Variants in PXK observed in about 807,000 individuals in gnomAD.
PXK encodes the protein PX domain containing serine/threonine kinase like, also known as PX domain-containing protein kinase-like protein.
In PXK, 35 loss-of-function variants were observed where a neutral mutation model predicts 84.7. The observed-to-expected ratio is 0.41, with a 90% CI of 0.32 to 0.55. The LOEUF (loss-of-function observed/expected upper bound fraction) is 0.55, where lower values mean the gene tolerates loss of function less well. Ranked by LOEUF, PXK falls within the 20% of genes least tolerant of loss-of-function variation. The pLI is 0.21. For synonymous variants in PXK, 253 were observed against 260.8 expected (o/e 0.97, Z 0.29); for missense variants, 634 against 699.7 (o/e 0.91, Z 1.06).
Position 58,382,688 on chromosome 3 carries a change from G to A in PXK, c.376G>A (p.Ala126Thr), listed in dbSNP as rs752321202. 16 of 1,571,016 alleles carry A rather than the reference G, an allele frequency of 1.0e-5. No homozygotes were observed. Among genetic ancestry groups the A allele is most frequent in the Middle Eastern group, 1.7e-4 (1 of 5,898 alleles). Reference protein sequence around the residue: ...KKFLDPNNYSANYTEIALQQV... With the variant: ...KKFLDPNNYSTNYTEIALQQV... ...GTTTTTAGATCCAAACAACTATTCC[G>A]CAAACTATACTGGTAAGCGAAGGAA... is the stretch of plus-strand genomic sequence containing the variant. The change falls in exon 4 of 18, where the codon GCA becomes ACA. Residue 126 changes from alanine (A) to threonine (T), a missense_variant. Ala to Thr is a moderately conservative substitution (Grantham distance 58). Around this residue, in one of 3 missense-constraint regions of PXK, gnomAD observed 353 missense variants for 385.2 expected, o/e 0.92. Transcript: ENST00000356151.
At chr3:58,422,121 GC>G (rs2061976430) in intron 17 of PXK, 3 of 985,220 alleles carry the variant, frequency 3.0e-6, no homozygotes, top group Non-Finnish European at 3.6e-6. Flanking sequence ...TGTAGCTGAA[GC>G]CCCAACGGAC....
chr3:58,375,922 A>G (rs1269230669), intron 3 of PXK, among the ~76,000 whole-genome samples: 1 of 151,916 alleles, frequency 6.6e-6, no homozygotes, highest in Admixed American at 6.6e-5. Context: ...TAAGTAATGA[A>G]TGTTAAGTGC....
At position 58,409,646 on chromosome 3, in the gene PXK, T is replaced by A. The variant is rs1439704381; in HGVS notation, c.1395+28T>A. The A allele has an allele frequency of 6.4e-7, 1 of 1,558,724 alleles. No homozygotes were observed. The highest frequency in any genetic ancestry group is 8.8e-7 in the Non-Finnish European group (1 of 1,140,292). Reference sequence around the variant, plus strand: ...AAGCCTGCTGTCTCTCTGCAGTCCCTCTATGAGTTCTTGAGTACATGTGAA... The same window carrying A: ...AAGCCTGCTGTCTCTCTGCAGTCCCACTATGAGTTCTTGAGTACATGTGAA... On this transcript the variant is annotated intron_variant, in intron 15 of 17. Transcript: ENST00000356151. The surrounding 1 kb of genome is among the most constrained non-coding windows in gnomAD (Gnocchi z 4.2).
chr3:58,334,951 G>GTGTC (rs1553732684), intron 1 of PXK, among the ~76,000 whole-genome samples: 1,818 of 125,280 alleles, frequency 0.015, 17 homozygotes, highest in African/African-American at 0.034. Context: ...GTGTGTGTGT[G>GTGTC]TGTGTGTCTG....
intron 1 of PXK, among the ~76,000 whole-genome samples, chr3:58,360,997 A>G (rs928487242): frequency 1.2e-4 from 18 of 151,918 alleles, no homozygotes; most frequent in Admixed American, 5.3e-4. Flanking sequence ...TGGGGAAGCT[A>G]TTAAAACTTC....
In PXK at chr3:58,411,831, A is replaced by C. The variant is rs779937502; in HGVS notation, c.1466-1070A>C. The stretch of plus-strand genomic sequence containing the variant: ...TACGAACAGTATAAAGACAGCATGC[A>C]TTGAGTTTTACCTCCTTTTTCAGTA... On this transcript the variant is annotated intron_variant, in intron 16 of 17. Coordinates refer to ENST00000356151, the MANE Select transcript of PXK (RefSeq NM_017771.5). The surrounding 1 kb of genome is among the most constrained non-coding windows in gnomAD (Gnocchi z 4.2). Among the ~76,000 whole-genome samples, 3 of 152,238 alleles carry C rather than the reference A, an allele frequency of 2.0e-5. No individual in the cohort carries two copies. Among genetic ancestry groups the C allele is most frequent in the Non-Finnish European group, 2.9e-5 (2 of 68,050 alleles).
chr3:58,396,527 C>T (rs11917567), intron 9 of PXK, among the ~76,000 whole-genome samples: 43,446 of 152,038 alleles, frequency 0.29, 7,118 homozygotes, highest in Middle Eastern at 0.39. Context: ...TATATGGCAG[C>T]GGAAATATTT....
rs766887235 is a variant in PXK at position 58,398,457 on chromosome 3, A to T, written c.1102+735A>T. On this transcript the variant is annotated intron_variant, in intron 11 of 17. Coordinates refer to ENST00000356151, the MANE Select transcript of PXK (RefSeq NM_017771.5). This position sits in a 1 kb window ranked among gnomAD's most constrained non-coding sequence, Gnocchi z 4.5. ...ATGCCATAGGCCAGAAGCCTAGTAG[A>T]TAAGAGCCTAGCAGGCCCAGACCTA... Among the ~76,000 whole-genome samples the T allele has an allele frequency of 1.3e-5, 2 of 152,212 alleles. No individual in the cohort carries two copies. Among genetic ancestry groups the T allele is most frequent in the Non-Finnish European group, 2.9e-5 (2 of 68,036 alleles).
At chr3:58,351,720 A>G (rs551226370) in intron 1 of PXK, among the ~76,000 whole-genome samples, 2 of 152,288 alleles carry the variant, frequency 1.3e-5, no homozygotes, top group African/African-American at 4.8e-5. Flanking sequence ...TGGGCATAGA[A>G]TCTAGGACAA....
chr3:58,422,276 CCTCCA>C, intron 17 of PXK: 1 of 985,416 alleles, frequency 1.0e-6, no homozygotes, highest in Non-Finnish European at 1.2e-6. Flanking sequence ...CCTCCTCTCC[CCTCCA>C]GAGTGTTCCA....
At chr3:58,342,065 G>GT (rs11425273) in intron 1 of PXK, among the ~76,000 whole-genome samples, 12,155 of 148,814 alleles carry the variant, frequency 0.082, 579 homozygotes, top group South Asian at 0.1. Flanking sequence ...AACTCAGAAT[G>GT]TTTTTTTTTT....
intron 3 of PXK, among the ~76,000 whole-genome samples, chr3:58,377,505 A>G (rs887040380): frequency 2.0e-5 from 3 of 152,098 alleles, no homozygotes; most frequent in Non-Finnish European, 4.4e-5. Context: ...TTTATGTTTA[A>G]AAAATAAACT....
intron 7 of PXK, among the ~76,000 whole-genome samples, chr3:58,393,327 A>G (rs1212865986): frequency 6.6e-6 from 1 of 152,146 alleles, no homozygotes; most frequent in Non-Finnish European, 1.5e-5. Flanking sequence ...CAGCCTGGGC[A>G]ACAGAGCAGA....
chr3:58,393,260 A>G (rs976223407), intron 7 of PXK, among the ~76,000 whole-genome samples: 1 of 152,004 alleles, frequency 6.6e-6, no homozygotes, highest in Non-Finnish European at 1.5e-5. Flanking sequence ...AGGCAGGAGA[A>G]TGGCGTGAAC....
chr3:58,340,889 G>T (rs569682061), intron 1 of PXK, among the ~76,000 whole-genome samples: 2 of 152,166 alleles, frequency 1.3e-5, no homozygotes, highest in East Asian at 3.9e-4. Context: ...TTAGCACCCT[G>T]AGAAAGGGGG....
At position 58,409,864 on chromosome 3, in the gene PXK, G is replaced by A. The variant is rs2059939883; in HGVS notation, c.1396-226G>A. ...CAGATTATGGCGTAATGTAATTGGA[G>A]GAAACGATTGGCCTGAGATAGTAAA... On this transcript the variant is annotated intron_variant, in intron 15 of 17. Coordinates refer to ENST00000356151, the MANE Select transcript of PXK (RefSeq NM_017771.5). This position sits in a 1 kb window ranked among gnomAD's most constrained non-coding sequence, Gnocchi z 4.2. 6.6e-6 allele frequency among the ~76,000 whole-genome samples: 1 copy of A among 152,158 alleles called. No homozygotes were observed. The highest frequency in any genetic ancestry group is 2.4e-5 in the African/African-American group (1 of 41,432).
chr3:58,384,039 A>C (rs904381960), intron 4 of PXK, among the ~76,000 whole-genome samples: 1 of 152,196 alleles, frequency 6.6e-6, no homozygotes, highest in Admixed American at 6.5e-5. Flanking sequence ...AAAATTTCTC[A>C]TGCCCAGGCT....
chr3:58,382,492 C>CTTTTT, intron 3 of PXK, 22 bp from the exon 4 acceptor site: 32 of 1,281,198 alleles, frequency 2.5e-5, no homozygotes, highest in South Asian at 2.4e-4. Context: ...ATGAGTGTAA[C>CTTTTT]TTTTTTTTTT....
rs1388757815 is a variant in PXK, at chr3:58,373,812, G to A, written c.201+4334G>A. Among the ~76,000 whole-genome samples the A allele has an allele frequency of 4.6e-5, 7 of 152,120 alleles. No homozygotes were observed. In the South Asian group the frequency reaches 8.3e-4, roughly 18 times the overall value. On this transcript the variant is annotated intron_variant, in intron 3 of 17. Coordinates refer to ENST00000356151, the MANE Select transcript of PXK (RefSeq NM_017771.5). ...TGTAATCCCAGCACTTTGGGAGGCCGAGGTGGGTGGATCACGAGGTCAGGA... is the reference window on the plus strand; with the variant it reads ...TGTAATCCCAGCACTTTGGGAGGCCAAGGTGGGTGGATCACGAGGTCAGGA...
Sources: gnomAD v4.1 joint callset for allele counts (sites outside exome capture counted in the v4.1 genomes callset) on GRCh38, gnomAD v4.1.1 for gene constraint, gnomAD v4.1.1 regional missense constraint, Gnocchi (gnomAD v3.1) non-coding constraint, MANE v1.5 for transcripts, NCBI Gene and HGNC (gene_info 2026-07-23, HGNC 2026-07-21) for gene names.